The following RNF175 variants were observed in gnomAD, a reference collection of about 807,000 sequenced individuals.
RNF175 encodes ring finger protein 175.
Under a neutral mutation model 50.0 loss-of-function variants are expected in RNF175, and 38 were observed. The observed-to-expected ratio is 0.76, with a 90% CI of 0.59 to 1.00. RNF175 has a LOEUF of 1.00. RNF175 is among the 50% of genes least tolerant of loss of function. RNF175 has a pLI of 0.00. For synonymous variants in RNF175, 155 were observed against 146.1 expected, an observed-to-expected ratio of 1.06 and a Z score of -0.44; for missense variants, 388 against 409.6, an observed-to-expected ratio of 0.95 and a Z score of 0.46.
At chr4:153,716,438 G>A (rs1180175434) in intron 6 of RNF175, among the ~76,000 whole-genome samples, 1 of 152,128 alleles carries the variant, frequency 6.6e-6, no homozygotes, top group African/African-American at 2.4e-5. Context: ...TGCATGCTGA[G>A]CAATCACCAT....
chr4:153,744,369 C>G (rs1739853921), intron 3 of RNF175, among the ~76,000 whole-genome samples: 1 of 151,920 alleles, frequency 6.6e-6, no homozygotes, highest in Admixed American at 6.5e-5. Context: ...TTGCAGTGAG[C>G]CGAGATCGCG....
intron 1 of RNF175, among the ~76,000 whole-genome samples, chr4:153,757,334 C>A (rs903090414): frequency 1.3e-5 from 2 of 152,220 alleles, no homozygotes; most frequent in African/African-American, 2.4e-5. Flanking sequence ...GCATGGCACA[C>A]TCAATGTGTT....
intron 5 of RNF175, 130 bp downstream of exon 5, chr4:153,723,221 G>C: frequency 3.7e-6 from 2 of 534,300 alleles, no homozygotes. Context: ...ACTACGTGTG[G>C]ATATCTACTA....
intron 5 of RNF175, 70 bp downstream of exon 5, chr4:153,723,281 G>A (rs1213231590): frequency 6.6e-6 from 5 of 759,246 alleles, no homozygotes; most frequent in East Asian, 2.7e-5. Flanking sequence ...TCTGGATTAA[G>A]AGAACATGAC....
At chr4:153,726,661 T>C (rs1354394735) in intron 4 of RNF175, among the ~76,000 whole-genome samples, 1 of 152,234 alleles carries the variant, frequency 6.6e-6, no homozygotes, top group East Asian at 1.9e-4. Context: ...ATAGTTAAAA[T>C]GTGACTCACC....
At chr4:153,731,593 C>T (rs1290616911) in intron 3 of RNF175, among the ~76,000 whole-genome samples, 1 of 150,760 alleles carries the variant, frequency 6.6e-6, no homozygotes, top group Non-Finnish European at 1.5e-5. Flanking sequence ...ACAAAGATAC[C>T]TTTCATTTGG....
At position 153,728,235 on chromosome 4, in the gene RNF175, G is replaced by A. The variant is rs766172106; in HGVS notation, c.373C>T (p.Arg125Ter). The A allele has an allele frequency of 1.1e-5, 17 of 1,613,250 alleles. No individual in the cohort carries two copies. In the Admixed American group the frequency reaches 1.3e-4, roughly 13 times the overall value. The part of the protein sequence containing the change: ...ITSYILFRAT[R>*]KPLSGRTPRL... ...GGTGTCCTTCCTGAGAGGGGTTTTC[G>A]GGTAGCTCTGAAGAGGATGTAACTG... The change falls in exon 4 of 9, where the codon CGA becomes TGA. Residue 125 changes from arginine (R) to a stop codon, truncating the protein, a stop_gained. Transcript: ENST00000347063. LOFTEE classifies it high-confidence loss of function.
At position 153,743,995 on chromosome 4, in the gene RNF175, C is replaced by T. The variant is rs1739826746; in HGVS notation, c.246+4650G>A. Among the ~76,000 whole-genome samples, 4 of 152,104 alleles carry T rather than the reference C, an allele frequency of 2.6e-5. 1 individual carries two copies. In the South Asian group the frequency reaches 8.3e-4, roughly 32 times the overall value. On this transcript the variant is annotated intron_variant, in intron 3 of 8. Coordinates refer to ENST00000347063, the MANE Select transcript of RNF175 (RefSeq NM_173662.4). Reference sequence around the variant, plus strand: ...AGGCATAGGCAGGTCTGTCTTTGGCCAGGTAGAGCCAGTGTGTAAGTGCCA... The same window carrying T: ...AGGCATAGGCAGGTCTGTCTTTGGCTAGGTAGAGCCAGTGTGTAAGTGCCA...
At chr4:153,712,721 G>A in intron 7 of RNF175, 145 bp from the exon 8 acceptor site, 1 of 636,432 alleles carries the variant, frequency 1.6e-6, no homozygotes, top group South Asian at 1.9e-5. Flanking sequence ...TTCTGTAAGG[G>A]ACCTGACAAT....
rs892779359 is a variant in RNF175, at chr4:153,712,539, C to T, written c.802G>A (p.Gly268Arg). The T allele has an allele frequency of 1.2e-6, 2 of 1,613,090 alleles. No individual in the cohort carries two copies. The highest frequency in any genetic ancestry group is 1.3e-5 in the African/African-American group (1 of 74,864). Reference protein sequence around the residue: ...EFCIRGWCIVGKKQTCPYCKE... With the variant: ...EFCIRGWCIVRKKQTCPYCKE... ...CAGTAAGGGCAAGTCTGCTTTTTCC[C>T]AACGATACACCAACCTCGGATGCAG... The change falls in exon 8 of 9, where the codon GGG becomes AGG. Residue 268 changes from glycine (G) to arginine (R), a missense_variant. Gly to Arg is a moderately radical substitution (Grantham distance 125). Coordinates refer to ENST00000347063, the MANE Select transcript of RNF175 (RefSeq NM_173662.4).
intron 3 of RNF175, among the ~76,000 whole-genome samples, chr4:153,741,571 C>T (rs1007160742): frequency 1.3e-5 from 2 of 152,190 alleles, no homozygotes; most frequent in Non-Finnish European, 2.9e-5. Flanking sequence ...ATTCATCTGT[C>T]TCTCTAGATT....
At chr4:153,729,912 C>T (rs916080651) in intron 3 of RNF175, 38 of 346,596 alleles carry the variant, frequency 1.1e-4, no homozygotes, top group African/African-American at 7.3e-4. Flanking sequence ...ATCTTGCCTC[C>T]ATTTATCAGA....
rs528512347 is a variant in RNF175, at chr4:153,755,035, G to A, written c.67-3560C>T. Among the ~76,000 whole-genome samples the A allele has an allele frequency of 1.2e-3, 181 of 152,364 alleles. 1 individual carries two copies. Among genetic ancestry groups the A allele is most frequent in the African/African-American group, 4.1e-3 (170 of 41,594 alleles). ...CAGATCCTTGCTACCACTCAAGCCT[G>A]CAGCCAGCACTGCAGGTAGGGAGAA... On this transcript the variant is annotated intron_variant, in intron 1 of 8. Transcript: ENST00000347063.
At chr4:153,745,858 A>C (rs1276611252) in intron 3 of RNF175, 1 of 152,264 alleles carries the variant, frequency 6.6e-6, no homozygotes, top group African/African-American at 2.4e-5. Flanking sequence ...TCATGACCTA[A>C]TTGCTTCTCA....
chr4:153,734,878 G>A (rs1213487137), intron 3 of RNF175, among the ~76,000 whole-genome samples: 3 of 151,582 alleles, frequency 2.0e-5, no homozygotes, highest in Admixed American at 2.0e-4. Flanking sequence ...GGGTTTCATC[G>A]TGTTAGCCAG....
intron 5 of RNF175, among the ~76,000 whole-genome samples, chr4:153,722,084 T>C (rs28685222): frequency 0.013 from 1,936 of 152,330 alleles, 47 homozygotes; most frequent in African/African-American, 0.043. Context: ...TCCTTTTCAA[T>C]TTCTGTTATG....
At chr4:153,719,922 A>C (rs80156823) in intron 6 of RNF175, among the ~76,000 whole-genome samples, 2,713 of 152,336 alleles carry the variant, frequency 0.018, 79 homozygotes, top group African/African-American at 0.061. Context: ...TAATTTGCGT[A>C]TTTTATTTTA....
intron 1 of RNF175, among the ~76,000 whole-genome samples, chr4:153,756,458 T>C (rs12644640): frequency 0.34 from 51,030 of 152,020 alleles, 10,829 homozygotes; most frequent in Non-Finnish European, 0.46. Context: ...ATCTATCCAA[T>C]TGCTCAAAGC....
chr4:153,714,654 G>A (rs1344860729), intron 7 of RNF175: 3 of 152,170 alleles, frequency 2.0e-5, no homozygotes, highest in Non-Finnish European at 1.5e-5. Flanking sequence ...AAATACTGAT[G>A]ATTGGCCAAC....
Sources: gnomAD v4.1 joint callset for allele counts (sites outside exome capture counted in the v4.1 genomes callset) on GRCh38, gnomAD v4.1.1 for gene constraint, MANE v1.5 for transcripts, NCBI Gene and HGNC (gene_info 2026-07-23, HGNC 2026-07-21) for gene names.